Variants in SNAPC3 observed in about 807,000 individuals in gnomAD.
SNAPC3 encodes small nuclear RNA activating complex polypeptide 3, also known as snRNA-activating protein complex subunit 3.
Under a neutral mutation model 47.7 loss-of-function variants are expected in SNAPC3, and 56 were observed. The observed-to-expected ratio is 1.18, with a 90% confidence interval of 0.95 to 1.47. The LOEUF (loss-of-function observed/expected upper bound fraction) is 1.47, where lower values mean the gene tolerates loss of function less well. Ranked by LOEUF, SNAPC3 falls within the 40% of genes most tolerant of loss-of-function variation. The pLI is 0.00. For missense variants in SNAPC3, 665 were observed against 511.3 expected, an observed-to-expected ratio of 1.30 and a Z score of -2.90; for synonymous variants, 235 against 189.9, an observed-to-expected ratio of 1.24 and a Z score of -1.95.
intron 3 of SNAPC3, among the ~76,000 whole-genome samples, chr9:15,438,685 TCTC>T (rs1429888309): frequency 1.3e-5 from 2 of 152,212 alleles, no homozygotes; most frequent in African/African-American, 2.4e-5. Context: ...TTCCAATTTT[TCTC>T]CTGTTATTGA....
rs1286787687 is a variant in SNAPC3 at position 15,423,961 on chromosome 9, G to C, written c.367G>C (p.Glu123Gln). 6.3e-7 allele frequency: 1 copy of C among 1,586,684 alleles called. No homozygotes were observed. Among genetic ancestry groups the C allele is most frequent in the Non-Finnish European group, 8.6e-7 (1 of 1,167,446 alleles). Reference sequence around the variant, plus strand: ...CGGTGAGGATCCAGAAGTCATTCCGGAGAATACTGACCTGGTGACTTTGGG... The same window carrying C: ...CGGTGAGGATCCAGAAGTCATTCCGCAGAATACTGACCTGGTGACTTTGGG... ...EDGEDPEVIPENTDLVTLGVR... is the reference protein window; with the variant it reads ...EDGEDPEVIPQNTDLVTLGVR... The change falls in exon 2 of 9, where the codon GAG becomes CAG. Residue 123 changes from glutamate (E) to glutamine (Q), a missense_variant. Glu to Gln is a conservative substitution (Grantham distance 29). Transcript: ENST00000380821.
At chr9:15,433,043 G>C (rs1455013328) in intron 2 of SNAPC3, among the ~76,000 whole-genome samples, 1 of 152,154 alleles carries the variant, frequency 6.6e-6, no homozygotes, top group Non-Finnish European at 1.5e-5. Flanking sequence ...GATATAATGA[G>C]AAGGGCATCA....
chr9:15,452,828 C>T (rs759100878), intron 6 of SNAPC3, among the ~76,000 whole-genome samples: 1 of 152,198 alleles, frequency 6.6e-6, no homozygotes, highest in Non-Finnish European at 1.5e-5. Flanking sequence ...AAGTGATGCA[C>T]ATCATGTAAC....
rs577771952 is a variant in SNAPC3, at chr9:15,439,996, G to A, written c.478-4606G>A. Among the ~76,000 whole-genome samples the A allele has an allele frequency of 8.5e-5, 13 of 152,150 alleles. 1 individual carries two copies. Among genetic ancestry groups the A allele is most frequent in the African/African-American group, 3.1e-4 (13 of 41,512 alleles). Reference sequence around the variant, plus strand: ...TGTATTTTATTTATGGGGTTTATTGGGGCATAATCCCATCATTGTTGAACA... The same window carrying A: ...TGTATTTTATTTATGGGGTTTATTGAGGCATAATCCCATCATTGTTGAACA... On this transcript the variant is annotated intron_variant, in intron 3 of 8. Transcript: ENST00000380821.
chr9:15,442,005 C>T (rs112348283), intron 3 of SNAPC3, among the ~76,000 whole-genome samples: 17 of 151,244 alleles, frequency 1.1e-4, no homozygotes, highest in Admixed American at 4.6e-4. Context: ...CCGGACAGGG[C>T]GGCGGCCAGG....
intron 3 of SNAPC3, among the ~76,000 whole-genome samples, chr9:15,442,266 C>T (rs1310419506): frequency 6.6e-6 from 1 of 150,740 alleles, no homozygotes; most frequent in Non-Finnish European, 1.5e-5. Context: ...AACCTCCCTC[C>T]TGGATGGGGC....
chr9:15,428,711 C>T (rs1194696721), intron 2 of SNAPC3, among the ~76,000 whole-genome samples: 1 of 151,672 alleles, frequency 6.6e-6, no homozygotes, highest in Non-Finnish European at 1.5e-5. Flanking sequence ...AAGACAATTA[C>T]CTCATAAGTG....
intron 5 of SNAPC3, among the ~76,000 whole-genome samples, chr9:15,449,406 A>G (rs939419877): frequency 1.3e-5 from 2 of 151,736 alleles, no homozygotes; most frequent in African/African-American, 4.8e-5. Context: ...GGCTTTGTCA[A>G]TTTACTTGGT....
downstream of SNAPC3, chr9:15,465,594 G>A (rs1044538761): frequency 2.6e-6 from 4 of 1,556,078 alleles, no homozygotes; most frequent in African/African-American, 4.1e-5. Context: ...AAGAAAAGGG[G>A]GAAAGGTACA....
Position 15,459,880 on chromosome 9 carries a change from C to T in SNAPC3, c.*14C>T. On this transcript the variant is annotated 3_prime_UTR_variant, in exon 9 of 9. Coordinates refer to ENST00000380821, the MANE Select transcript of SNAPC3 (RefSeq NM_001039697.2). ...ACCTTTAATTAAGAATAGCTACACT[C>T]ACAAAAATACCCCCTCATGAAATAA... The T allele has an allele frequency of 6.3e-7, 1 of 1,596,776 alleles. No individual in the cohort carries two copies. Among genetic ancestry groups the T allele is most frequent in the Non-Finnish European group, 8.5e-7 (1 of 1,172,964 alleles).
chr9:15,454,573 C>T (rs1041570410), intron 7 of SNAPC3, among the ~76,000 whole-genome samples: 2 of 152,226 alleles, frequency 1.3e-5, no homozygotes, highest in African/African-American at 4.8e-5. Context: ...AAAAATAGAA[C>T]TGGTAGACTC....
At chr9:15,453,389 C>A (rs2034542099) in intron 7 of SNAPC3, 184 bp downstream of exon 7, 1 of 505,976 alleles carries the variant, frequency 2.0e-6, no homozygotes. Flanking sequence ...CCATTTGCAT[C>A]CTCTATTGTT....
downstream of SNAPC3, chr9:15,465,062 A>C (rs1483603515): frequency 4.4e-6 from 1 of 225,886 alleles, no homozygotes; most frequent in African/African-American, 2.2e-5. Flanking sequence ...TTTATCTACC[A>C]TAAAAATGTG....
chr9:15,434,043 G>A (rs932032124), intron 3 of SNAPC3, among the ~76,000 whole-genome samples: 8 of 152,332 alleles, frequency 5.3e-5, no homozygotes, highest in Non-Finnish European at 8.8e-5. Context: ...TAGTAGACAC[G>A]ATAGGTTCAG....
intron 3 of SNAPC3, among the ~76,000 whole-genome samples, chr9:15,442,304 C>A (rs1484050836): frequency 5.3e-5 from 8 of 150,690 alleles, no homozygotes; most frequent in Non-Finnish European, 1.0e-4. Context: ...CTGCCCCCCA[C>A]CTCCCTCCCG....
rs553034550 is a variant in SNAPC3, at chr9:15,456,154, G to A, written c.981-1806G>A. Among the ~76,000 whole-genome samples the A allele has an allele frequency of 4.0e-5, 6 of 150,798 alleles. No homozygotes were observed. The East Asian group carries it at 7.8e-4, about 20-fold the overall frequency. On this transcript the variant is annotated intron_variant, in intron 7 of 8. Transcript: ENST00000380821. ...CTCCCAAAGTGCTGGGATTACAGGC[G>A]TGAGCCACCATGCCAGGCCTAATTT...
intron 5 of SNAPC3, among the ~76,000 whole-genome samples, chr9:15,447,490 A>G (rs1162436894): frequency 5.3e-5 from 8 of 150,370 alleles, no homozygotes; most frequent in African/African-American, 1.9e-4. Context: ...CTTCTGGGCT[A>G]ATAGTGACCA....
At chr9:15,445,865 G>A (rs2033888974) in intron 4 of SNAPC3, among the ~76,000 whole-genome samples, 1 of 152,114 alleles carries the variant, frequency 6.6e-6, no homozygotes, top group South Asian at 2.1e-4. Flanking sequence ...GAGCCCGGGA[G>A]GTCAAGGCTG....
At chr9:15,424,801 T>C (rs1318555618) in intron 2 of SNAPC3, among the ~76,000 whole-genome samples, 1 of 152,232 alleles carries the variant, frequency 6.6e-6, no homozygotes, top group African/African-American at 2.4e-5. Flanking sequence ...GTTCTGTCGT[T>C]CTTGATCCTA....
Sources: allele counts gnomAD v4.1 joint callset (sites outside exome capture counted in the v4.1 genomes callset), GRCh38; gene constraint gnomAD v4.1.1; transcripts MANE v1.5; gene names NCBI Gene and HGNC (gene_info 2026-07-23, HGNC 2026-07-21).